The following MMP20 variants were observed in gnomAD, a reference collection of about 807,000 sequenced individuals.
MMP20 encodes the protein matrix metalloproteinase-20.
In MMP20, 50 loss-of-function variants were observed where a neutral mutation model predicts 51.8. The ratio of observed to expected loss-of-function variants is 0.97; its 90% confidence interval spans 0.77 to 1.22. The LOEUF (loss-of-function observed/expected upper bound fraction) is 1.22. Ranked by LOEUF, MMP20 falls within the 50% of genes most tolerant of loss-of-function variation. The pLI, the probability that MMP20 is intolerant of heterozygous loss-of-function variation, is 0.00. For missense variants in MMP20, 663 were observed against 601.4 expected (o/e 1.10, Z -1.07); for synonymous variants, 244 against 216.2 (o/e 1.13, Z -1.13).
intron 8 of MMP20, among the ~76,000 whole-genome samples, chr11:102,580,187 T>TTAA (rs2135927184): frequency 6.6e-6 from 1 of 152,366 alleles, no homozygotes; most frequent in South Asian, 2.1e-4. Flanking sequence ...TGAAGATTGA[T>TTAA]TAATATATCT....
At chr11:102,617,646 TG>T (rs1312814164) in intron 1 of MMP20, among the ~76,000 whole-genome samples, 1 of 152,228 alleles carries the variant, frequency 6.6e-6, no homozygotes, top group Non-Finnish European at 1.5e-5. Flanking sequence ...GTATGTGGGC[TG>T]GATTTTGTTT....
chr11:102,620,475 T>C (rs1359535556), intron 1 of MMP20, among the ~76,000 whole-genome samples: 10 of 151,244 alleles, frequency 6.6e-5, no homozygotes, highest in Non-Finnish European at 1.3e-4. Flanking sequence ...AGTTGTCCCA[T>C]TTCCCTCCAA....
intron 8 of MMP20, among the ~76,000 whole-genome samples, chr11:102,586,300 T>C (rs1859253650): frequency 6.6e-6 from 1 of 152,230 alleles, no homozygotes; most frequent in South Asian, 2.1e-4. Context: ...TGGATAGTTT[T>C]TGATTACTGC....
chr11:102,586,580 G>A (rs371349037), intron 8 of MMP20, among the ~76,000 whole-genome samples: 9 of 152,232 alleles, frequency 5.9e-5, no homozygotes, highest in African/African-American at 2.2e-4. Flanking sequence ...TTGTGAGGCT[G>A]AGGTGGGCGG....
intron 1 of MMP20, among the ~76,000 whole-genome samples, chr11:102,620,899 G>C (rs550111849): frequency 4.7e-4 from 71 of 152,334 alleles, no homozygotes; most frequent in Middle Eastern, 3.4e-3. Flanking sequence ...CCTCAGGGAG[G>C]GGGTGAGGGC....
intron 1 of MMP20, among the ~76,000 whole-genome samples, chr11:102,617,751 T>C (rs1223421252): frequency 1.3e-5 from 2 of 152,198 alleles, no homozygotes; most frequent in Admixed American, 6.5e-5. Context: ...CAAAAAGACA[T>C]AAAGCCCCTC....
chr11:102,596,410 A>G (rs1396903675), intron 6 of MMP20, among the ~76,000 whole-genome samples: 3 of 152,238 alleles, frequency 2.0e-5, no homozygotes, highest in Non-Finnish European at 4.4e-5. Flanking sequence ...TAATCAGCTT[A>G]CATGGGAAAA....
intron 7 of MMP20, among the ~76,000 whole-genome samples, chr11:102,594,278 C>T (rs1859353052): frequency 6.6e-6 from 1 of 152,192 alleles, no homozygotes; most frequent in Non-Finnish European, 1.5e-5. Flanking sequence ...GAGTTCCACA[C>T]TGGCTTTTAT....
intron 6 of MMP20, among the ~76,000 whole-genome samples, chr11:102,598,974 T>G (rs1239778628): frequency 6.6e-6 from 1 of 151,972 alleles, no homozygotes; most frequent in East Asian, 1.9e-4. Context: ...CTCTGTCATC[T>G]TCTTTCCTAT....
chr11:102,611,135 T>G (rs11606169), intron 3 of MMP20, among the ~76,000 whole-genome samples: 1 of 152,134 alleles, frequency 6.6e-6, no homozygotes, highest in East Asian at 1.9e-4. Context: ...TTCCCCCCAG[T>G]GACATCAGAT....
Position 102,625,240 on chromosome 11 carries a change from A to G in MMP20, c.80T>C (p.Val27Ala), listed in dbSNP as rs1012643142. Residue 27 changes from valine to alanine, a missense_variant, in exon 1 of 10, where the codon GTT (valine) becomes GCT (alanine). By Grantham distance (64) the Val-to-Ala change is moderately conservative (BLOSUM62 0). Transcript: ENST00000260228. ...LKFSTAAPSL[V>A]AASPRTWRNN... is the part of the protein sequence containing the mutation. ...CCTCCAGGTCCTGGGGGAGGCTGCA[A>G]CTAGGGAGGGGGCTGCAGTGGAAAA... The G allele has an allele frequency of 6.2e-7, 1 of 1,613,898 alleles. No homozygotes were observed. Among genetic ancestry groups the G allele is most frequent in the Non-Finnish European group, 8.5e-7 (1 of 1,179,908 alleles).
intron 7 of MMP20, among the ~76,000 whole-genome samples, chr11:102,594,213 C>G (rs977367974): frequency 2.0e-5 from 3 of 152,342 alleles, no homozygotes; most frequent in African/African-American, 7.2e-5. Context: ...GCGTCCTCCT[C>G]TCCTGGCTGC....
chr11:102,609,310 G>A (rs1859563244), intron 4 of MMP20, among the ~76,000 whole-genome samples: 1 of 150,120 alleles, frequency 6.7e-6, no homozygotes. Context: ...GGGTGGGGGA[G>A]GACAGAAATG....
intron 3 of MMP20, among the ~76,000 whole-genome samples, chr11:102,611,378 G>A (rs948047166): frequency 1.3e-5 from 2 of 152,192 alleles, no homozygotes; most frequent in Non-Finnish European, 2.9e-5. Context: ...GAGGATTCAT[G>A]GTAGGATATC....
chr11:102,616,984 T>C lies in MMP20; in HGVS notation c.202A>G (p.Met68Val), dbSNP rs138308694. 9.9e-5 allele frequency: 159 copies of C among 1,614,096 alleles called. No homozygotes were observed. Among genetic ancestry groups the C allele is most frequent in the Non-Finnish European group, 1.2e-4 (146 of 1,180,042 alleles). ...GEMVARGSNS[M>V]IRKIKELQAF... is the part of the protein sequence containing the mutation. ...TGTAGCTCCTTAATCTTCCTTATCA[T>C]GGAATTGCTTCCTCTTGCAACCATC... Residue 68 changes from methionine (M) to valine (V), a missense_variant, in exon 2 of 10, where the codon ATG (methionine) becomes GTG (valine). Physicochemically the swap from Met to Val is conservative, Grantham distance 21. Transcript: ENST00000260228.
At chr11:102,624,696 C>A (rs1284116488) in intron 1 of MMP20, among the ~76,000 whole-genome samples, 1 of 152,098 alleles carries the variant, frequency 6.6e-6, no homozygotes, top group East Asian at 1.9e-4. Flanking sequence ...GGTTGGCACC[C>A]AGGAAGAACT....
chr11:102,612,002 A>C, intron 2 of MMP20, 99 bp from the exon 3 acceptor site: 1 of 1,186,530 alleles, frequency 8.4e-7, no homozygotes, highest in Non-Finnish European at 1.2e-6. Context: ...TAAATCTACA[A>C]TTTAGATTTT....
chr11:102,587,729 A>C (rs1859270690), intron 8 of MMP20, among the ~76,000 whole-genome samples: 1 of 152,008 alleles, frequency 6.6e-6, no homozygotes, highest in East Asian at 1.9e-4. Flanking sequence ...TTTTTATTTC[A>C]AAGTCTGTTT....
chr11:102,594,887 G>T, intron 6 of MMP20, 130 bp from the exon 7 acceptor site: 1 of 1,207,662 alleles, frequency 8.3e-7, no homozygotes, highest in South Asian at 1.4e-5. Context: ...GCCTTGCCTT[G>T]CCTTGTTTTT....
Sources: gnomAD v4.1 joint callset for allele counts (sites outside exome capture counted in the v4.1 genomes callset) on GRCh38, gnomAD v4.1.1 for gene constraint, MANE v1.5 for transcripts, NCBI Gene and HGNC (gene_info 2026-07-23, HGNC 2026-07-21) for gene names.